Variants in DGCR6L observed in about 807,000 individuals in gnomAD.
DGCR6L encodes DiGeorge syndrome critical region gene 6 like.
DGCR6L carries 24 observed loss-of-function variants against 31.1 expected under a neutral mutation model. That is an observed-to-expected ratio of 0.77 (90% CI 0.56 to 1.08). The LOEUF (loss-of-function observed/expected upper bound fraction) is 1.08, where lower values mean the gene tolerates loss of function less well. Ranked by LOEUF, DGCR6L falls within the 50% of genes least tolerant of loss-of-function variation. The pLI is 0.00. For missense variants in DGCR6L, 218 were observed against 287.1 expected, an observed-to-expected ratio of 0.76 and a Z score of 1.74; for synonymous variants, 104 against 126.1, an observed-to-expected ratio of 0.82 and a Z score of 1.17.
chr22:20,316,303 G>A (rs2051571128), intron 2 of DGCR6L, 84 bp from the exon 3 acceptor site: 2 of 1,529,214 alleles, frequency 1.3e-6, no homozygotes, highest in Non-Finnish European at 1.8e-6. Context: ...CAGCCCAGCA[G>A]AGCAGCCAGG....
Sources: allele counts gnomAD v4.1 joint callset, GRCh38; gene constraint gnomAD v4.1.1; transcripts MANE v1.5; gene names NCBI Gene and HGNC (gene_info 2026-07-23, HGNC 2026-07-21).